Variants in RBFOX1 observed in about 807,000 individuals in gnomAD.
RBFOX1 encodes the protein RNA binding protein fox-1 homolog 1.
RBFOX1 carries 8 observed loss-of-function variants against 57.7 expected under a neutral mutation model. The observed-to-expected ratio is 0.14, with a 90% CI of 0.08 to 0.25. RBFOX1 has a LOEUF of 0.25. Among genes scored for constraint, RBFOX1 ranks in the 10% least tolerant of loss-of-function variants. RBFOX1 has a pLI of 1.00. For synonymous variants in RBFOX1, 326 were observed against 222.4 expected, an observed-to-expected ratio of 1.47 and a Z score of -4.15; for missense variants, 611 against 548.5, an observed-to-expected ratio of 1.11 and a Z score of -1.14.
At chr16:6,620,048 C>T (rs952294185) in intron 2 of RBFOX1, among the ~76,000 whole-genome samples, 2 of 152,158 alleles carry the variant, frequency 1.3e-5, no homozygotes, top group Non-Finnish European at 2.9e-5. Context: ...CTTATTCTTT[C>T]TTATGGCTGC....
exon 3 of RBFOX1, chr16:5,598,943 G>C: frequency 6.5e-7 from 1 of 1,533,878 alleles, no homozygotes; most frequent in Non-Finnish European, 8.7e-7. Flanking sequence ...CCGGTGCCAA[G>C]AACAGCCTGC....
intron 3 of RBFOX1, among the ~76,000 whole-genome samples, chr16:6,883,806 C>A (rs1283174258): frequency 1.4e-5 from 2 of 147,110 alleles, no homozygotes; most frequent in Non-Finnish European, 3.0e-5. Context: ...TTTTTTTTTT[C>A]TTTTCTCTAT....
At chr16:5,299,792 T>C (rs147565619) in intron 1 of RBFOX1, among the ~76,000 whole-genome samples, 3 of 152,318 alleles carry the variant, frequency 2.0e-5, no homozygotes, top group Admixed American at 2.0e-4. Context: ...TCAATTTTTT[T>C]CCCTATTGAA....
chr16:5,414,915 G>T (rs1044399798), intron 1 of RBFOX1, among the ~76,000 whole-genome samples: 1 of 152,110 alleles, frequency 6.6e-6, no homozygotes, highest in Non-Finnish European at 1.5e-5. Flanking sequence ...TGGGTGCAGG[G>T]GTAATAGTCC....
At chr16:6,242,174 A>T (rs536048654) in intron 1 of RBFOX1, among the ~76,000 whole-genome samples, 5 of 152,268 alleles carry the variant, frequency 3.3e-5, no homozygotes, top group African/African-American at 1.2e-4. Flanking sequence ...TATTATGTGT[A>T]CATGTTATAT....
chr16:7,591,602 T>C (rs2094445707), intron 7 of RBFOX1, among the ~76,000 whole-genome samples: 3 of 152,188 alleles, frequency 2.0e-5, no homozygotes, highest in Admixed American at 1.3e-4. Flanking sequence ...TACCTGCTCA[T>C]GACAGGGCAC....
At chr16:5,562,171 T>C (rs936985856) in intron 2 of RBFOX1, among the ~76,000 whole-genome samples, 4 of 152,166 alleles carry the variant, frequency 2.6e-5, no homozygotes, top group African/African-American at 9.6e-5. Flanking sequence ...AAAAGAAAGA[T>C]TTGATAGAAC....
chr16:6,679,095 A>G (rs2058220804), intron 3 of RBFOX1, among the ~76,000 whole-genome samples: 1 of 152,146 alleles, frequency 6.6e-6, no homozygotes, highest in Admixed American at 6.5e-5. Context: ...GAGAGAGGGC[A>G]AGCAAGCTTT....
chr16:6,573,663 G>C (rs1256347660), intron 2 of RBFOX1: 1 of 152,250 alleles, frequency 6.6e-6, no homozygotes. Context: ...TCAGCACGGG[G>C]CTGCTGTCTG....
intron 3 of RBFOX1, among the ~76,000 whole-genome samples, chr16:6,846,615 C>T (rs1361254887): frequency 2.6e-5 from 4 of 152,132 alleles, no homozygotes; most frequent in African/African-American, 7.2e-5. Flanking sequence ...GACCTTTGCC[C>T]CTATGAATCA....
At chr16:5,329,273 G>C (rs2064676955) in intron 1 of RBFOX1, among the ~76,000 whole-genome samples, 1 of 152,194 alleles carries the variant, frequency 6.6e-6, no homozygotes, top group Admixed American at 6.5e-5. Flanking sequence ...GGCTGTACAG[G>C]AAGCATGACT....
intron 1 of RBFOX1, among the ~76,000 whole-genome samples, chr16:5,453,750 C>G (rs1286731880): frequency 6.6e-6 from 1 of 152,218 alleles, no homozygotes; most frequent in East Asian, 1.9e-4. Context: ...TAGAGATCAG[C>G]TTTACTCTAA....
chr16:7,347,938 G>A (rs1204497763), intron 4 of RBFOX1, among the ~76,000 whole-genome samples: 1 of 152,178 alleles, frequency 6.6e-6, no homozygotes, highest in African/African-American at 2.4e-5. Context: ...ACTCATTCAT[G>A]CTAGTGCCTT....
chr16:7,141,810 A>G (rs1043251744), intron 4 of RBFOX1, among the ~76,000 whole-genome samples: 8 of 152,058 alleles, frequency 5.3e-5, no homozygotes, highest in African/African-American at 1.9e-4. Flanking sequence ...CATATTGACG[A>G]CCGCACCAGC....
chr16:5,420,579 G>A (rs541825208), intron 1 of RBFOX1, among the ~76,000 whole-genome samples: 2 of 151,964 alleles, frequency 1.3e-5, no homozygotes, highest in Middle Eastern at 3.2e-3. Flanking sequence ...TGCAATCATG[G>A]CCCACTGCAA....
At chr16:5,654,467 A>G (rs1289499528) in intron 3 of RBFOX1, among the ~76,000 whole-genome samples, 1 of 152,156 alleles carries the variant, frequency 6.6e-6, no homozygotes, top group African/African-American at 2.4e-5. Context: ...TTGGGAAGGA[A>G]CGTTCTCACC....
intron 2 of RBFOX1, among the ~76,000 whole-genome samples, chr16:6,480,127 G>A (rs1399592179): frequency 6.6e-6 from 1 of 151,988 alleles, no homozygotes; most frequent in African/African-American, 2.4e-5. Flanking sequence ...AGGAAAAGAG[G>A]AAGGAGACTA....
chr16:6,727,559 A>G (rs532457587), intron 3 of RBFOX1, among the ~76,000 whole-genome samples: 1 of 152,224 alleles, frequency 6.6e-6, no homozygotes, highest in East Asian at 1.9e-4. Context: ...AGGGAACCGT[A>G]CAAACAGCTC....
chr16:5,834,787 TA>T (rs2056406422), intron 3 of RBFOX1, among the ~76,000 whole-genome samples: 2 of 145,486 alleles, frequency 1.4e-5, no homozygotes, highest in African/African-American at 5.4e-5. Flanking sequence ...GATAGATAGA[TA>T]GATAGATAGA....
Sources: allele counts gnomAD v4.1 joint callset (sites outside exome capture counted in the v4.1 genomes callset), GRCh38; gene constraint gnomAD v4.1.1; transcripts MANE v1.5; gene names NCBI Gene and HGNC (gene_info 2026-07-23, HGNC 2026-07-21).